FLG: variants seen among roughly 807,000 people sequenced by gnomAD.
FLG encodes the protein epidermal filaggrin.
A neutral mutation model predicts 3.8 loss-of-function variants in FLG; 6 were observed. That is an observed-to-expected ratio of 1.60 (90% CI 0.87 to 3.15). The LOEUF is 3.15. Ranked by LOEUF, FLG falls within the 30% of genes most tolerant of loss-of-function variation. The pLI is 0.00. For synonymous variants in FLG, 2,551 were observed against 1,931.6 expected (o/e 1.32, Z -8.41); for missense variants, 7,595 against 5,050.9 (o/e 1.50, Z -15.27).
chr1:152,313,707 G>A lies in FLG; in HGVS notation c.1179C>T (p.Asp393=). The A allele has an allele frequency of 1.2e-6, 2 of 1,614,138 alleles. No individual in the cohort carries two copies. Among genetic ancestry groups the A allele is most frequent in the South Asian group, 2.2e-5 (2 of 91,084 alleles). Reference sequence around the variant, plus strand: ...GCCCAGTGGCTGAGTGTCTGGAGCTGTCTGCTGACTGCTGGTGGCCGGATC... The same window carrying A: ...GCCCAGTGGCTGAGTGTCTGGAGCTATCTGCTGACTGCTGGTGGCCGGATC... ...RHGSGHQQSA[D]SSRHSATGRG... Residue 393 remains aspartate (D), a synonymous_variant, in exon 3 of 3, where the codon GAC becomes GAT. Transcript: ENST00000368799.
At chr1:152,323,481 C>T (rs1653047075) in intron 1 of FLG, among the ~76,000 whole-genome samples, 1 of 151,520 alleles carries the variant, frequency 6.6e-6, no homozygotes, top group Non-Finnish European at 1.5e-5. Context: ...AAAATGAATA[C>T]CTTAGGAACG....
At position 152,311,013 on chromosome 1, in the gene FLG, G is replaced by A. The variant is rs1557878364; in HGVS notation, c.3873C>T (p.Ser1291=). The part of the protein sequence containing the change: ...DDSERLSGSA[S]RNHHGSSREQ... ...CCCGAGAAGATCCATGATGGTTTCT[G>A]GAAGCAGACCCAGACAACCTCTCGG... The change falls in exon 3 of 3, where the codon TCC becomes TCT. Residue 1291 remains serine (S), a synonymous_variant. Transcript: ENST00000368799. 1 of 1,613,882 alleles carries A rather than the reference G, an allele frequency of 6.2e-7. No homozygotes were observed. Among genetic ancestry groups the A allele is most frequent in the African/African-American group, 1.3e-5 (1 of 74,942 alleles).
chr1:152,304,519 C>T lies in FLG; in HGVS notation c.10367G>A (p.Arg3456Lys), dbSNP rs1651807213. 2 of 1,612,660 alleles carry T rather than the reference C, an allele frequency of 1.2e-6. No individual in the cohort carries two copies. The highest frequency in any genetic ancestry group is 1.7e-6 in the Non-Finnish European group (2 of 1,179,514). ...QGSHYEQSVD[R>K]SGHSGSHHSH... ...GTGATGGGACCCTGAGTGTCCAGAC[C>T]TATCTACCGATTGCTCGTAGTGGGA... is the stretch of plus-strand genomic sequence containing the variant. Residue 3456 changes from arginine to lysine, a missense_variant, in exon 3 of 3, where the codon AGG becomes AAG. Arg to Lys is a conservative substitution (Grantham distance 26). Transcript: ENST00000368799.
In FLG at chr1:152,305,632, C is replaced by T; in HGVS notation, c.9254G>A (p.Gly3085Glu). ...SHGWTGPSTR[G>E]RQGSRHEQAQ... ...CTGCTCATGGCGGGATCCTTGTCTT[C>T]CTCTAGTGCTGGGCCCCGTCCATCC... Residue 3085 changes from glycine (G) to glutamate (E), a missense_variant, in exon 3 of 3, where the codon GGA becomes GAA. By Grantham distance (98) the Gly-to-Glu change is moderately conservative. Transcript: ENST00000368799. The T allele has an allele frequency of 6.8e-7, 1 of 1,480,056 alleles. No homozygotes were observed. The allele number at this position is 1,480,056 out of a possible 1,614,324, so 91.7% of individuals were successfully genotyped here.
Position 152,309,012 on chromosome 1 carries a change from C to A in FLG, c.5874G>T (p.Gly1958=), listed in dbSNP as rs777984830. 13 of 1,613,984 alleles carry A rather than the reference C, an allele frequency of 8.1e-6. No individual in the cohort carries two copies. The highest frequency in any genetic ancestry group is 1.7e-5 in the Admixed American group (1 of 60,002). ...EQSRDGSRHP[G]SHHEDRAGHG... is the part of the protein sequence containing the mutation. ...GACCGGCTCTGTCTTCGTGATGGGA[C>A]CCAGGGTGTCTGGAGCCATCTCTTG... The change falls in exon 3 of 3, where the codon GGG becomes GGT. Residue 1958 remains glycine, a synonymous_variant. Coordinates refer to ENST00000368799, the MANE Select transcript of FLG (RefSeq NM_002016.2).
At chr1:152,324,744 G>T (rs1419280264) in intron 1 of FLG, among the ~76,000 whole-genome samples, 1 of 151,684 alleles carries the variant, frequency 6.6e-6, no homozygotes, top group African/African-American at 2.4e-5. Flanking sequence ...TTATGACCCA[G>T]GGAAGCCAAA....
At chr1:152,319,713 T>C (rs1348148019) in intron 1 of FLG, among the ~76,000 whole-genome samples, 2 of 151,458 alleles carry the variant, frequency 1.3e-5, no homozygotes, top group African/African-American at 4.8e-5. Context: ...AAATAAGTTA[T>C]ATGTTAACAG....
rs747159833 is a variant in FLG at position 152,304,338 on chromosome 1, A to G, written c.10548T>C (p.Ser3516=). Residue 3516 remains serine (S), a synonymous_variant, in exon 3 of 3, where the codon TCT becomes TCC. Coordinates refer to ENST00000368799, the MANE Select transcript of FLG (RefSeq NM_002016.2). ...HHEASTQADS[S]RHSQSGQGQS... is the part of the protein sequence containing the mutation. ...GTCCCTGGCCGGACTGTGAGTGTCT[A>G]GAGCTGTCCGCCTGAGTGGAAGCTT... The G allele has an allele frequency of 6.2e-7, 1 of 1,611,824 alleles. No individual in the cohort carries two copies. The highest frequency in any genetic ancestry group is 2.2e-5 in the East Asian group (1 of 44,582).
chr1:152,325,030 T>G (rs1214901207), intron 1 of FLG, among the ~76,000 whole-genome samples, 159 bp downstream of exon 1: 1 of 151,778 alleles, frequency 6.6e-6, no homozygotes. Flanking sequence ...ATGCCCTCAT[T>G]TTCCTTCTAT....
In FLG at chr1:152,304,670, T is replaced by C; in HGVS notation, c.10216A>G (p.Ser3406Gly). 3 of 1,612,132 alleles carry C rather than the reference T, an allele frequency of 1.9e-6. No individual in the cohort carries two copies. The South Asian group carries it at 3.3e-5, about 18-fold the overall frequency. The change falls in exon 3 of 3, where the codon AGC (serine) becomes GGC (glycine). Residue 3406 changes from serine (S) to glycine (G), a missense_variant. Ser to Gly is a moderately conservative substitution (Grantham distance 56, BLOSUM62 0). Transcript: ENST00000368799. ...SESAHGRTRTSTGRRQGSHHE... is the reference protein window; with the variant it reads ...SESAHGRTRTGTGRRQGSHHE... ...TGGGATCCTTGTCTTCGTCCAGTGCTGGTCCTGGTCCGCCCATGGGCAGAC... is the reference window on the plus strand; with the variant it reads ...TGGGATCCTTGTCTTCGTCCAGTGCCGGTCCTGGTCCGCCCATGGGCAGAC...
In FLG at chr1:152,302,781, G is replaced by A. The variant is rs148776256; in HGVS notation, c.12105C>T (p.Asp4035=). The A allele has an allele frequency of 6.2e-7, 1 of 1,614,092 alleles. No individual in the cohort carries two copies. The highest frequency in any genetic ancestry group is 1.3e-5 in the African/African-American group (1 of 75,010). ...PRYYATYINK[D]PGLCGHSSDI... ...CACTAGAATGGCCACATAAACCTGGGTCCTTATTAATATACGTTGCATAAT... is the reference window on the plus strand; with the variant it reads ...CACTAGAATGGCCACATAAACCTGGATCCTTATTAATATACGTTGCATAAT... The change falls in exon 3 of 3, where the codon GAC becomes GAT. Residue 4035 remains aspartate (D), a synonymous_variant. Transcript: ENST00000368799.
In FLG at chr1:152,314,369, A is replaced by G. The variant is rs778735196; in HGVS notation, c.517T>C (p.Tyr173His). ...CTTGAGTTATGATGGTTTTTTCCATATTCTTCTTCTCTATGAGTAGGTGAA... is the reference window on the plus strand; with the variant it reads ...CTTGAGTTATGATGGTTTTTTCCATGTTCTTCTTCTCTATGAGTAGGTGAA... ...GYSPTHREEE[Y>H]GKNHHNSSKK... The change falls in exon 3 of 3, where the codon TAT becomes CAT. Residue 173 changes from tyrosine (Y) to histidine (H), a missense_variant. Physicochemically the swap from Tyr to His is moderately conservative, Grantham distance 83. Transcript: ENST00000368799. 1.2e-6 allele frequency: 2 copies of G among 1,612,474 alleles called. No homozygotes were observed. Among genetic ancestry groups the G allele is most frequent in the Non-Finnish European group, 1.7e-6 (2 of 1,179,560 alleles).
chr1:152,303,725 C>A lies in FLG; in HGVS notation c.11161G>T (p.Glu3721Ter). Residue 3721 changes from glutamate (E) to a stop codon, truncating the protein, a stop_gained, in exon 3 of 3, where the codon GAG (glutamate) becomes TAG (stop). Transcript: ENST00000368799. LOFTEE classifies it low-confidence loss of function (END_TRUNC). ...LYQVSTHEQS[E>*]SAHGRAGPST... is the part of the protein sequence containing the mutation. ...GGCCCAGCCCGTCCATGGGCAGACT[C>A]AGACTGTTCATGAGTGCTCACCTGG... 6.2e-7 allele frequency: 1 copy of A among 1,614,062 alleles called. No homozygotes were observed. The highest frequency in any genetic ancestry group is 8.5e-7 in the Non-Finnish European group (1 of 1,179,992).
chr1:152,314,223 T>G lies in FLG; in HGVS notation c.663A>C (p.Gly221=), dbSNP rs1652679500. 1 of 1,613,796 alleles carries G rather than the reference T, an allele frequency of 6.2e-7. No individual in the cohort carries two copies. The highest frequency in any genetic ancestry group is 1.1e-5 in the South Asian group (1 of 91,074). The part of the protein sequence containing the change: ...EEGVYDYENT[G]RMTQKWIQSG... ...ATTGTATCCATTTTTGAGTCATTCT[T>G]CCTGTATTTTCATAATCATATACTC... is the stretch of plus-strand genomic sequence containing the variant. Residue 221 remains glycine, a synonymous_variant, in exon 3 of 3, where the codon GGA becomes GGC. Coordinates refer to ENST00000368799, the MANE Select transcript of FLG (RefSeq NM_002016.2).
chr1:152,302,627 A>G lies in FLG; in HGVS notation c.*73T>C. 1 of 1,575,224 alleles carries G rather than the reference A, an allele frequency of 6.3e-7. No homozygotes were observed. Among genetic ancestry groups the G allele is most frequent in the South Asian group, 1.2e-5 (1 of 86,486 alleles). On this transcript the variant is annotated 3_prime_UTR_variant, in exon 3 of 3. Coordinates refer to ENST00000368799, the MANE Select transcript of FLG (RefSeq NM_002016.2). ...AAAAGATAACTTCCCTGAAAGTATTATGAAGTTTCTTGATTGAAAGTGAAC... is the reference window on the plus strand; with the variant it reads ...AAAAGATAACTTCCCTGAAAGTATTGTGAAGTTTCTTGATTGAAAGTGAAC...
Position 152,302,907 on chromosome 1 carries a change from G to A in FLG, c.11979C>T (p.His3993=), listed in dbSNP as rs377051179. ...DYDYGESGFR[H]SQHGSVSYNS... is the part of the protein sequence containing the mutation. ...TGTAACTAACACTTCCGTGCTGAGA[G>A]TGTCTAAACCCGGATTCACCATAAT... The change falls in exon 3 of 3, where the codon CAC becomes CAT. Residue 3993 remains histidine, a synonymous_variant. Transcript: ENST00000368799. 1.1e-4 allele frequency: 172 copies of A among 1,614,088 alleles called. No homozygotes were observed. Among genetic ancestry groups the A allele is most frequent in the Non-Finnish European group, 1.4e-4 (167 of 1,180,044 alleles).
At position 152,313,763 on chromosome 1, in the gene FLG, G is replaced by C; in HGVS notation, c.1123C>G (p.Gln375Glu). 1.2e-6 allele frequency: 2 copies of C among 1,614,052 alleles called. No individual in the cohort carries two copies. Among genetic ancestry groups the C allele is most frequent in the Non-Finnish European group, 8.5e-7 (1 of 1,179,984 alleles). ...CTTTCTCCTGGACTTGATCTTGCCT[G>C]TTCATGGGATGATGCAGTCTGTCCA... ...SRGQTASSHE[Q>E]ARSSPGERHG... Residue 375 changes from glutamine to glutamate, a missense_variant, in exon 3 of 3, where the codon CAG (glutamine) becomes GAG (glutamate). Transcript: ENST00000368799.
rs1192957990 is a variant in FLG at position 152,309,738 on chromosome 1, A to G, written c.5148T>C (p.Gly1716=). ...GTCCCTCGCTGTCACTGGCCTGGCT[A>G]CCACTGGACCCTCGGTTTCCACTGT... The part of the protein sequence containing the change: ...VGDSGNRGSS[G]SQASDSEGHS... Residue 1716 remains glycine, a synonymous_variant, in exon 3 of 3, where the codon GGT becomes GGC. Transcript: ENST00000368799. 1 of 1,613,716 alleles carries G rather than the reference A, an allele frequency of 6.2e-7. No homozygotes were observed. Among genetic ancestry groups the G allele is most frequent in the South Asian group, 1.1e-5 (1 of 91,074 alleles).
In FLG at chr1:152,308,087, G is replaced by A. The variant is rs1282797846; in HGVS notation, c.6799C>T (p.His2267Tyr). ...ERRSGSASRN[H>Y]HGSAQEQSRD... Reference sequence around the variant, plus strand: ...GACTGCTCCTGAGCAGATCCATGATGGTTTCTGGACGCAGACCCAGACCGC... The same window carrying A: ...GACTGCTCCTGAGCAGATCCATGATAGTTTCTGGACGCAGACCCAGACCGC... The change falls in exon 3 of 3, where the codon CAT becomes TAT. Residue 2267 changes from histidine (H) to tyrosine (Y), a missense_variant. Transcript: ENST00000368799. 2 of 1,613,830 alleles carry A rather than the reference G, an allele frequency of 1.2e-6. No individual in the cohort carries two copies. Among genetic ancestry groups the A allele is most frequent in the African/African-American group, 2.7e-5 (2 of 74,846 alleles).
Sources: allele counts gnomAD v4.1 joint callset (sites outside exome capture counted in the v4.1 genomes callset), GRCh38; gene constraint gnomAD v4.1.1; transcripts MANE v1.5; gene names NCBI Gene and HGNC (gene_info 2026-07-23, HGNC 2026-07-21).